Variants in DLG2 observed in about 807,000 individuals in gnomAD.
DLG2 encodes the protein disks large homolog 2.
DLG2 carries 45 observed loss-of-function variants against 132.5 expected under a neutral mutation model. That is an observed-to-expected ratio of 0.34 (90% confidence interval 0.27 to 0.44). The LOEUF is 0.44. DLG2 is among the 20% of genes least tolerant of loss of function. The probability of loss-of-function intolerance (pLI) is 1.00; values close to 1 mark genes in which losing one functional copy is unlikely to be tolerated. For missense variants in DLG2, 1,045 were observed against 1,196.9 expected (o/e 0.87, Z 1.87); for synonymous variants, 424 against 419.6 (o/e 1.01, Z -0.13).
At chr11:84,443,381 G>A (rs541005705) in intron 7 of DLG2, among the ~76,000 whole-genome samples, 1 of 152,084 alleles carries the variant, frequency 6.6e-6, no homozygotes, top group Non-Finnish European at 1.5e-5. Flanking sequence ...AAACACTCTT[G>A]TAGCTCTCTC....
chr11:84,983,078 C>G (rs144744769), intron 6 of DLG2, among the ~76,000 whole-genome samples: 4 of 152,292 alleles, frequency 2.6e-5, no homozygotes, highest in African/African-American at 7.2e-5. Context: ...TCCAGTGCAA[C>G]AAGGCTGGAC....
chr11:84,478,715 T>G (rs1302586512), intron 7 of DLG2, among the ~76,000 whole-genome samples: 1 of 152,016 alleles, frequency 6.6e-6, no homozygotes, highest in African/African-American at 2.4e-5. Context: ...CTAGAAAGAA[T>G]GGTCTTTAAA....
chr11:84,543,502 G>T (rs938117656), intron 6 of DLG2, among the ~76,000 whole-genome samples: 1 of 152,082 alleles, frequency 6.6e-6, no homozygotes, highest in African/African-American at 2.4e-5. Flanking sequence ...CTGGATGTTT[G>T]TCTCCTCCAC....
Position 83,833,208 on chromosome 11 carries a change from C to G in DLG2, c.1722+406G>C, listed in dbSNP as rs142204735. Among the ~76,000 whole-genome samples, 6 of 152,174 alleles carry G rather than the reference C, an allele frequency of 3.9e-5. No individual in the cohort carries two copies. The East Asian group carries it at 9.6e-4, about 24-fold the overall frequency. On this transcript the variant is annotated intron_variant, in intron 17 of 27. Transcript: ENST00000376104. The stretch of plus-strand genomic sequence containing the variant: ...ATCCCAGCACTTTGGGAGGCTGAGG[C>G]GGGTGGATCACCTGAGGTCAGGAGT...
At chr11:83,920,696 T>C (rs1368807651) in intron 15 of DLG2, among the ~76,000 whole-genome samples, 1 of 152,168 alleles carries the variant, frequency 6.6e-6, no homozygotes, top group Non-Finnish European at 1.5e-5. Flanking sequence ...ATAAAACCTC[T>C]TGAAATCCTT....
At chr11:84,911,700 T>C (rs936553788) in intron 6 of DLG2, among the ~76,000 whole-genome samples, 1 of 152,170 alleles carries the variant, frequency 6.6e-6, no homozygotes, top group Non-Finnish European at 1.5e-5. Flanking sequence ...AATCCAAATG[T>C]GTACAAATAT....
chr11:84,905,819 T>G (rs1194119943), intron 6 of DLG2, among the ~76,000 whole-genome samples: 1 of 152,230 alleles, frequency 6.6e-6, no homozygotes, highest in Non-Finnish European at 1.5e-5. Context: ...ATTATTAATC[T>G]GTTGAAAAGC....
At chr11:84,262,034 T>C (rs2097553909) in intron 7 of DLG2, among the ~76,000 whole-genome samples, 1 of 152,194 alleles carries the variant, frequency 6.6e-6, no homozygotes, top group Non-Finnish European at 1.5e-5. Context: ...GACTCCTCTA[T>C]GCTAATTATA....
chr11:84,734,468 G>T (rs1373156751), intron 6 of DLG2, among the ~76,000 whole-genome samples: 1 of 152,136 alleles, frequency 6.6e-6, no homozygotes, highest in Non-Finnish European at 1.5e-5. Flanking sequence ...GAATGCTTGT[G>T]ATTTTTGCAC....
In DLG2 at chr11:84,998,413, G is replaced by C. The variant is rs530118196; in HGVS notation, c.357+113248C>G. On this transcript the variant is annotated intron_variant, in intron 6 of 27. Coordinates refer to ENST00000376104, the MANE Select transcript of DLG2 (RefSeq NM_001142699.3). ...GAAGTACCTTCCACCATGATTCTAAGTTTCCTGAGGCCTCCAAGACATGCA... is the reference window on the plus strand; with the variant it reads ...GAAGTACCTTCCACCATGATTCTAACTTTCCTGAGGCCTCCAAGACATGCA... Among the ~76,000 whole-genome samples, 33 of 152,200 alleles carry C rather than the reference G, an allele frequency of 2.2e-4. 3 individuals are homozygous for C. Among genetic ancestry groups the C allele is most frequent in the African/African-American group, 7.9e-4 (33 of 41,520 alleles).
intron 6 of DLG2, chr11:84,887,408 C>G (rs1433797425): frequency 6.6e-6 from 1 of 152,112 alleles, no homozygotes; most frequent in South Asian, 2.1e-4. Flanking sequence ...GATTTTATCA[C>G]TGACCATCTG....
intron 3 of DLG2, among the ~76,000 whole-genome samples, chr11:85,372,696 G>A (rs767280222): frequency 1.3e-5 from 2 of 152,368 alleles, no homozygotes; most frequent in South Asian, 4.1e-4. Flanking sequence ...ATAGGTGACA[G>A]CGAATAATTC....
At chr11:85,614,612 C>T (rs1461404929) in intron 2 of DLG2, among the ~76,000 whole-genome samples, 1 of 152,184 alleles carries the variant, frequency 6.6e-6, no homozygotes, top group Non-Finnish European at 1.5e-5. Context: ...TGCACTCCAG[C>T]CTGGGCAACG....
chr11:84,539,138 T>C (rs1386366565), intron 6 of DLG2, among the ~76,000 whole-genome samples: 1 of 152,164 alleles, frequency 6.6e-6, no homozygotes, highest in Non-Finnish European at 1.5e-5. Flanking sequence ...ATATCCATCA[T>C]CACCATATGA....
At chr11:84,548,335 G>T (rs2099394541) in intron 6 of DLG2, among the ~76,000 whole-genome samples, 1 of 151,880 alleles carries the variant, frequency 6.6e-6, no homozygotes, top group Non-Finnish European at 1.5e-5. Context: ...CAACGTGCAG[G>T]TTTGTTACAT....
intron 7 of DLG2, among the ~76,000 whole-genome samples, chr11:84,313,576 A>G (rs1384695359): frequency 7.0e-6 from 1 of 142,720 alleles, no homozygotes; most frequent in Non-Finnish European, 1.6e-5. Flanking sequence ...AGAGAGAGAG[A>G]GAGAGAAAGG....
rs76512598 is a variant in DLG2, at chr11:83,701,314, T to C, written c.1826-67989A>G. ...TAGGATAAATATAATCCCTACCTTA[T>C]AGGGATGTTATGAGGATCCAAAGAG... On this transcript the variant is annotated intron_variant, in intron 18 of 27. Coordinates refer to ENST00000376104, the MANE Select transcript of DLG2 (RefSeq NM_001142699.3). Among the ~76,000 whole-genome samples, 1,377 of 152,278 alleles carry C rather than the reference T, an allele frequency of 9.0e-3. 23 individuals are homozygous for C. The highest frequency in any genetic ancestry group is 0.031 in the African/African-American group (1,307 of 41,544).
At chr11:84,378,155 G>C (rs1391602265) in intron 7 of DLG2, among the ~76,000 whole-genome samples, 1 of 152,122 alleles carries the variant, frequency 6.6e-6, no homozygotes, top group African/African-American at 2.4e-5. Context: ...AAAGTAATTA[G>C]GATTAAATGA....
chr11:83,629,542 T>G (rs971470543), intron 19 of DLG2, among the ~76,000 whole-genome samples: 8 of 152,176 alleles, frequency 5.3e-5, no homozygotes, highest in African/African-American at 1.9e-4. Flanking sequence ...AACAAAGGAT[T>G]GTTCTTTAGA....
Sources: gnomAD v4.1 joint callset for allele counts (sites outside exome capture counted in the v4.1 genomes callset) on GRCh38, gnomAD v4.1.1 for gene constraint, MANE v1.5 for transcripts, NCBI Gene and HGNC (gene_info 2026-07-23, HGNC 2026-07-21) for gene names.